The following DSCAML1 variants were observed in gnomAD, a reference collection of about 807,000 sequenced individuals.
DSCAML1 encodes the protein DS cell adhesion molecule like 1, also known as cell adhesion molecule DSCAML1.
A neutral mutation model predicts 200.5 loss-of-function variants in DSCAML1; 38 were observed. The observed-to-expected ratio is 0.19, with a 90% CI of 0.15 to 0.25. The LOEUF (loss-of-function observed/expected upper bound fraction) is 0.25. Ranked by LOEUF, DSCAML1 falls within the 10% of genes least tolerant of loss-of-function variation. The pLI is 1.00. For missense variants in DSCAML1, 2,223 were observed against 2,858.8 expected (o/e 0.78, Z 5.07); for synonymous variants, 1,215 against 1,165.0 (o/e 1.04, Z -0.87).
chr11:117,645,611 G>A (rs1285233101), intron 3 of DSCAML1, among the ~76,000 whole-genome samples: 1 of 152,028 alleles, frequency 6.6e-6, no homozygotes, highest in Non-Finnish European at 1.5e-5. Flanking sequence ...GGACATGGAT[G>A]AAATTGGAAA....
intron 3 of DSCAML1, among the ~76,000 whole-genome samples, chr11:117,586,374 C>T (rs560814152): frequency 2.0e-5 from 3 of 152,362 alleles, no homozygotes; most frequent in Non-Finnish European, 4.4e-5. Context: ...AAGTGTGCCA[C>T]AAGGAAGCCA....
At chr11:117,726,083 T>C (rs1467405470) in intron 3 of DSCAML1, among the ~76,000 whole-genome samples, 3 of 152,168 alleles carry the variant, frequency 2.0e-5, no homozygotes, top group African/African-American at 7.2e-5. Context: ...ACCGCAGCCA[T>C]AGGACACCAC....
At position 117,571,778 on chromosome 11, in the gene DSCAML1, C is replaced by T. The variant is rs559625557; in HGVS notation, c.512-39256G>A. On this transcript the variant is annotated intron_variant, in intron 3 of 32. Coordinates refer to ENST00000651296, the MANE Select transcript of DSCAML1 (RefSeq NM_020693.4). The stretch of plus-strand genomic sequence containing the variant: ...ATACCTACTGGGCTGCATTCCCAGA[C>T]GGCTAAGGAATTCTAAGTCACAGGA... Among the ~76,000 whole-genome samples the T allele has an allele frequency of 9.9e-5, 15 of 152,220 alleles. No individual in the cohort carries two copies. The South Asian group carries it at 1.5e-3, about 15-fold the overall frequency.
chr11:117,471,780 G>T, intron 15 of DSCAML1, 89 bp downstream of exon 15: 1 of 1,467,638 alleles, frequency 6.8e-7, no homozygotes, highest in African/African-American at 1.4e-5. Context: ...TTAACTGCAA[G>T]CTCATTGCCA....
intron 3 of DSCAML1, among the ~76,000 whole-genome samples, chr11:117,705,694 G>A (rs889970267): frequency 3.9e-5 from 6 of 152,148 alleles, no homozygotes; most frequent in African/African-American, 1.4e-4. Context: ...TCAAACAGGT[G>A]AAGATTTTCT....
intron 3 of DSCAML1, among the ~76,000 whole-genome samples, chr11:117,576,809 G>C (rs1272216643): frequency 6.6e-6 from 1 of 152,188 alleles, no homozygotes; most frequent in African/African-American, 2.4e-5. Flanking sequence ...CAGCTAGAGA[G>C]TCAACATTTT....
chr11:117,696,662 G>C (rs1263838927), intron 3 of DSCAML1, among the ~76,000 whole-genome samples: 1 of 152,086 alleles, frequency 6.6e-6, no homozygotes, highest in East Asian at 1.9e-4. Context: ...GTCTCCCCTT[G>C]TCTGTGCTTC....
At chr11:117,734,640 G>A (rs776394197) in intron 3 of DSCAML1, among the ~76,000 whole-genome samples, 6 of 152,308 alleles carry the variant, frequency 3.9e-5, no homozygotes, top group Non-Finnish European at 7.3e-5. Context: ...TGATTGCTTG[G>A]TGATTGCTTG....
chr11:117,532,445 G>A lies in DSCAML1; in HGVS notation c.589C>T (p.Arg197Cys), dbSNP rs1255636457. 22 of 1,614,066 alleles carry A rather than the reference G, an allele frequency of 1.4e-5. 1 individual carries two copies. The South Asian group carries it at 1.8e-4, about 13-fold the overall frequency. ...CTATACTTGTGCTTGGTGATGCAGC[G>A]ATAGGTGGAGAGGGCGTCCTCCTTC... ...VQKEDALSTY[R>C]CITKHKYSGE... Residue 197 changes from arginine (R) to cysteine (C), a missense_variant, in exon 4 of 33, where the codon CGC becomes TGC. Around this residue, in one of 7 missense-constraint regions of DSCAML1, gnomAD observed 579 missense variants for 721.5 expected, o/e 0.80. Coordinates refer to ENST00000651296, the MANE Select transcript of DSCAML1 (RefSeq NM_020693.4).
chr11:117,540,451 C>T (rs1174697200), intron 3 of DSCAML1, among the ~76,000 whole-genome samples: 1 of 152,068 alleles, frequency 6.6e-6, no homozygotes, highest in Non-Finnish European at 1.5e-5. Context: ...TGGGGGACTG[C>T]TGGTTTAAAG....
At chr11:117,743,588 C>T (rs2054462933) in intron 3 of DSCAML1, among the ~76,000 whole-genome samples, 1 of 152,182 alleles carries the variant, frequency 6.6e-6, no homozygotes, top group African/African-American at 2.4e-5. Flanking sequence ...CGTAACCACC[C>T]TCTGGGCTCC....
At chr11:117,774,911 A>G (rs184658862) in intron 3 of DSCAML1, among the ~76,000 whole-genome samples, 1 of 152,272 alleles carries the variant, frequency 6.6e-6, no homozygotes, top group East Asian at 1.9e-4. Flanking sequence ...TGATGATACA[A>G]AGAGATCCTG....
chr11:117,739,353 C>A (rs1043217540), intron 3 of DSCAML1, among the ~76,000 whole-genome samples: 4 of 152,204 alleles, frequency 2.6e-5, no homozygotes, highest in African/African-American at 9.6e-5. Context: ...CAAACCTACT[C>A]AATCGGAAAC....
Position 117,431,679 on chromosome 11 carries a change from C to T in DSCAML1, c.5229G>A (p.Arg1743=). ...TGGTCAGGGTCCACTGGCTTGAGTA[C>T]CGGTTCCGGGTGCTGTGGGCTGACT... The part of the protein sequence containing the change: ...NVKSAHSTRN[R]YSSQWTLTKC... The change falls in exon 31 of 33, where the codon CGG becomes CGA. Residue 1743 remains arginine (R), a synonymous_variant. Coordinates refer to ENST00000651296, the MANE Select transcript of DSCAML1 (RefSeq NM_020693.4). 3 of 1,609,800 alleles carry T rather than the reference C, an allele frequency of 1.9e-6. No homozygotes were observed. The highest frequency in any genetic ancestry group is 2.5e-6 in the Non-Finnish European group (3 of 1,177,342).
At position 117,490,519 on chromosome 11, in the gene DSCAML1, G is replaced by C. The variant is rs116955922; in HGVS notation, c.2360-8357C>G. Among the ~76,000 whole-genome samples the C allele has an allele frequency of 1.7e-3, 260 of 152,288 alleles. 2 individuals are homozygous for C. In the East Asian group the frequency reaches 0.027, roughly 16 times the overall value. On this transcript the variant is annotated intron_variant, in intron 11 of 32. Transcript: ENST00000651296. ...CCCTACTTAGCACCCCCAGATCCCC[G>C]CTTCCACTGGGGTCCAACTTAATAA...
intron 3 of DSCAML1, among the ~76,000 whole-genome samples, chr11:117,703,668 A>C (rs2053705266): frequency 6.6e-6 from 1 of 152,184 alleles, no homozygotes; most frequent in African/African-American, 2.4e-5. Context: ...GCTCACTCAC[A>C]ATCTTACATC....
chr11:117,798,925 G>A (rs1056895246), upstream of DSCAML1, among the ~76,000 whole-genome samples: 16 of 152,120 alleles, frequency 1.1e-4, no homozygotes, highest in Non-Finnish European at 1.9e-4. Flanking sequence ...TCACCACCCT[G>A]AAACAATTTG....
chr11:117,591,629 C>T (rs1224020469), intron 3 of DSCAML1, among the ~76,000 whole-genome samples: 3 of 152,386 alleles, frequency 2.0e-5, no homozygotes, highest in South Asian at 4.1e-4. Flanking sequence ...GCATCTCCCT[C>T]ACTTTGCATT....
chr11:117,762,482 A>G (rs897416003), intron 3 of DSCAML1, among the ~76,000 whole-genome samples: 1 of 152,104 alleles, frequency 6.6e-6, no homozygotes, highest in African/African-American at 2.4e-5. Context: ...GCAGAGGTAA[A>G]GCCATTGCCT....
Sources: allele counts gnomAD v4.1 joint callset (sites outside exome capture counted in the v4.1 genomes callset), GRCh38; gene constraint gnomAD v4.1.1; regional missense constraint gnomAD v4.1.1; transcripts MANE v1.5; gene names NCBI Gene and HGNC (gene_info 2026-07-23, HGNC 2026-07-21).